ULK1: variants seen among roughly 807,000 people sequenced by gnomAD.
ULK1 encodes unc-51 like autophagy activating kinase 1, also known as serine/threonine-protein kinase ULK1.
In ULK1, 48 loss-of-function variants were observed where a neutral mutation model predicts 117.5. The ratio of observed to expected loss-of-function variants is 0.41; its 90% CI spans 0.32 to 0.52. The LOEUF (loss-of-function observed/expected upper bound fraction) is 0.52. Ranked by LOEUF, ULK1 falls within the 20% of genes least tolerant of loss-of-function variation. The pLI is 0.29. For synonymous variants in ULK1, 790 were observed against 637.8 expected, an observed-to-expected ratio of 1.24 and a Z score of -3.60; for missense variants, 1,387 against 1,473.4, an observed-to-expected ratio of 0.94 and a Z score of 0.96.
At chr12:131,899,858 G>A (rs992594679) in intron 3 of ULK1, among the ~76,000 whole-genome samples, 5 of 152,138 alleles carry the variant, frequency 3.3e-5, no homozygotes, top group African/African-American at 7.2e-5. Flanking sequence ...AGTGGCTCAC[G>A]CCTGTAATCC....
chr12:131,919,796 C>T (rs911155882), intron 25 of ULK1, 183 bp from the exon 26 acceptor site: 30 of 1,053,206 alleles, frequency 2.8e-5, no homozygotes, highest in East Asian at 1.8e-4. Flanking sequence ...GCACAGAGGC[C>T]GTGGGGTCGG....
chr12:131,909,489 C>T (rs1889428789), intron 8 of ULK1, among the ~76,000 whole-genome samples: 1 of 152,106 alleles, frequency 6.6e-6, no homozygotes, highest in South Asian at 2.1e-4. Flanking sequence ...TGTCTAGTCG[C>T]CTGTCTGGTC....
chr12:131,916,171 T>A lies in ULK1; in HGVS notation c.1878+12T>A, dbSNP rs1432589639. ...GCTCCCCCACCAAGGTAATGGGCACTGCCATGTGTGCAGGGGCACAGAGCC... is the reference window on the plus strand; with the variant it reads ...GCTCCCCCACCAAGGTAATGGGCACAGCCATGTGTGCAGGGGCACAGAGCC... On this transcript the variant is annotated intron_variant, in intron 19 of 27. Coordinates refer to ENST00000321867, the MANE Select transcript of ULK1 (RefSeq NM_003565.4). The A allele has an allele frequency of 1.2e-6, 2 of 1,608,510 alleles. No homozygotes were observed. Among genetic ancestry groups the A allele is most frequent in the Non-Finnish European group, 1.7e-6 (2 of 1,178,282 alleles).
intron 12 of ULK1, 46 bp downstream of exon 12, chr12:131,910,846 C>T (rs1889502507): frequency 1.2e-6 from 2 of 1,608,104 alleles, no homozygotes; most frequent in South Asian, 1.1e-5. Context: ...CTCCACTCAG[C>T]AGTCAGGGGC....
In ULK1 at chr12:131,920,140, C is replaced by T. The variant is rs368815110; in HGVS notation, c.2961+4C>T. 5.6e-5 allele frequency: 91 copies of T among 1,611,598 alleles called. 1 individual carries two copies. Among genetic ancestry groups the T allele is most frequent in the South Asian group, 2.7e-4 (25 of 91,028 alleles). On this transcript the variant is annotated splice_donor_region_variant and intron_variant, in intron 26 of 27. Coordinates refer to ENST00000321867, the MANE Select transcript of ULK1 (RefSeq NM_003565.4). ...CTTCAGCCACGCTGTGCAGATGGTA[C>T]GGGACAGACAGACACCAGTGGGGCA...
At chr12:131,914,182 T>C (rs1211609955) in intron 15 of ULK1, among the ~76,000 whole-genome samples, 170 bp from the exon 16 acceptor site, 1 of 152,128 alleles carries the variant, frequency 6.6e-6, no homozygotes, top group Non-Finnish European at 1.5e-5. Flanking sequence ...ATTTCTGGTG[T>C]GTGTAGAGGC....
Position 131,913,822 on chromosome 12 carries a change from C to A in ULK1, c.1233C>A (p.Ser411=). Residue 411 remains serine, a synonymous_variant, in exon 15 of 28, where the codon TCC becomes TCA. Transcript: ENST00000321867. ...TPSPSPPCSS[S]PSPSGRAGPF... ...CTCCATCCCCACCCTGCAGCAGCTC[C>A]CCCAGTCCCTCAGGGTAAGCAGGGC... 6.4e-7 allele frequency: 1 copy of A among 1,554,224 alleles called. No individual in the cohort carries two copies. The highest frequency in any genetic ancestry group is 8.7e-7 in the Non-Finnish European group (1 of 1,150,256).
At chr12:131,919,888 G>T in intron 25 of ULK1, 91 bp from the exon 26 acceptor site, 1 of 1,509,406 alleles carries the variant, frequency 6.6e-7, no homozygotes, top group East Asian at 2.3e-5. Flanking sequence ...AGGGAGGGAC[G>T]TGCTCGCTCA....
Position 131,915,997 on chromosome 12 carries a change from AC to A in ULK1, c.1722del (p.Thr575ArgfsTer72). ...LHVVRPKLPK[P>X]PTDPLGAVFS... ...ACGTCGTCCGCCCCAAGCTGCCCAA[AC>A]CCCCCACGGACCCCCTGGGAGCTGT... On this transcript the variant is annotated frameshift_variant, in exon 19 of 28. Transcript: ENST00000321867. LOFTEE classifies it high-confidence loss of function. 6.2e-7 allele frequency: 1 copy of A among 1,609,418 alleles called. No homozygotes were observed. The highest frequency in any genetic ancestry group is 8.5e-7 in the Non-Finnish European group (1 of 1,178,890).
intron 11 of ULK1, 41 bp from the exon 12 acceptor site, chr12:131,910,671 C>T: frequency 6.2e-7 from 1 of 1,612,924 alleles, no homozygotes; most frequent in Non-Finnish European, 8.5e-7. Flanking sequence ...GAGGAGGAGA[C>T]AGGAGGATGG....
At chr12:131,914,583 T>C (rs1462773382) in intron 16 of ULK1, 106 bp downstream of exon 16, 1 of 1,438,218 alleles carries the variant, frequency 7.0e-7, no homozygotes, top group Non-Finnish European at 9.3e-7. Flanking sequence ...TGTGCAGTTG[T>C]GCAGGCTGCG....
At position 131,910,259 on chromosome 12, in the gene ULK1, T is replaced by G. The variant is rs1297880472; in HGVS notation, c.814T>G (p.Phe272Val). 1.2e-6 allele frequency: 2 copies of G among 1,613,082 alleles called. No individual in the cohort carries two copies. Among genetic ancestry groups the G allele is most frequent in the Admixed American group, 1.7e-5 (1 of 59,960 alleles). Residue 272 changes from phenylalanine to valine, a missense_variant, in exon 11 of 28, where the codon TTT (phenylalanine) becomes GTT (valine). Physicochemically the swap from Phe to Val is conservative, Grantham distance 50. Around this residue, in one of 4 missense-constraint regions of ULK1, gnomAD observed 260 missense variants for 271.6 expected, o/e 0.96. Transcript: ENST00000321867. The part of the protein sequence containing the change: ...NHKDRMDFDE[F>V]FHHPFLDASP... Reference sequence around the variant, plus strand: ...ACTCCTCCTTCCTCCTGCAGATGAGTTTTTTCATCACCCTTTCCTCGATGC... The same window carrying G: ...ACTCCTCCTTCCTCCTGCAGATGAGGTTTTTCATCACCCTTTCCTCGATGC...
rs113181318 is a variant in ULK1 at position 131,902,243 on chromosome 12, T to C, written c.247-4649T>C. On this transcript the variant is annotated intron_variant, in intron 3 of 27. Coordinates refer to ENST00000321867, the MANE Select transcript of ULK1 (RefSeq NM_003565.4). The surrounding 1 kb of genome is among the most constrained non-coding windows in gnomAD (Gnocchi z 6.3). ...GTTCTGTCCAGCCACAGCTGTGGCTTTTGCCACTTTCCGGAGCCAGCTCTG... is the reference window on the plus strand; with the variant it reads ...GTTCTGTCCAGCCACAGCTGTGGCTCTTGCCACTTTCCGGAGCCAGCTCTG... Among the ~76,000 whole-genome samples, 1 of 152,024 alleles carries C rather than the reference T, an allele frequency of 6.6e-6. No homozygotes were observed. The highest frequency in any genetic ancestry group is 6.5e-5 in the Admixed American group (1 of 15,280).
intron 23 of ULK1, 26 bp from the exon 24 acceptor site, chr12:131,919,186 G>T: frequency 6.3e-7 from 1 of 1,577,434 alleles, no homozygotes; most frequent in South Asian, 1.1e-5. Flanking sequence ...GGCAGCACTT[G>T]CCGCCCTGAC....
intron 3 of ULK1, among the ~76,000 whole-genome samples, chr12:131,905,332 C>G (rs761812622): frequency 7.9e-5 from 12 of 152,120 alleles, no homozygotes; most frequent in Admixed American, 3.3e-4. Flanking sequence ...CTGTCCCCCC[C>G]ACCAGGGGTG....
In ULK1 at chr12:131,902,980, G is replaced by A. The variant is rs1342577057; in HGVS notation, c.247-3912G>A. On this transcript the variant is annotated intron_variant, in intron 3 of 27. Transcript: ENST00000321867. This position sits in a 1 kb window ranked among gnomAD's most constrained non-coding sequence, Gnocchi z 6.3. ...GCAGACGTGGAGCCCGATGCCCTGT[G>A]TGGGTTCTGCAAGGCAGAGCTGGAG... 6.6e-6 allele frequency among the ~76,000 whole-genome samples: 1 copy of A among 152,058 alleles called. No homozygotes were observed.
Position 131,916,080 on chromosome 12 carries a change from G to A in ULK1, c.1799G>A (p.Arg600Gln), listed in dbSNP as rs745749590. 9 of 1,612,254 alleles carry A rather than the reference G, an allele frequency of 5.6e-6. No individual in the cohort carries two copies. Among genetic ancestry groups the A allele is most frequent in the South Asian group, 4.4e-5 (4 of 91,078 alleles). The change falls in exon 19 of 28, where the codon CGG becomes CAG. Residue 600 changes from arginine (R) to glutamine (Q), a missense_variant. Arg to Gln is a conservative substitution (Grantham distance 43). Transcript: ENST00000321867. ...PQPSHGLQSC[R>Q]NLRGSPKLPD... is the part of the protein sequence containing the mutation. ...CCGTCCCACGGCCTGCAGTCCTGCC[G>A]GAACCTGCGGGGCTCACCCAAGCTG...
rs778368046 is a variant in ULK1 at position 131,916,252 on chromosome 12, CTG to C, written c.1878+95_1878+96del. The C allele has an allele frequency of 3.1e-4, 485 of 1,539,842 alleles. 1 individual carries two copies. Among genetic ancestry groups the C allele is most frequent in the Non-Finnish European group, 3.2e-4 (367 of 1,140,358 alleles). On this transcript the variant is annotated intron_variant, in intron 19 of 27. Transcript: ENST00000321867. ...TGAACAAAGACCGAGGAAGGCAGCTCTGTACCTTTTGACCCCCGCCTGGGCTC... is the reference window on the plus strand; with the variant it reads ...TGAACAAAGACCGAGGAAGGCAGCTCTACCTTTTGACCCCCGCCTGGGCTC...
rs543308795 is a variant in ULK1 at position 131,904,282 on chromosome 12, G to GACT, written c.247-2607_247-2605dup. Among the ~76,000 whole-genome samples the GACT allele has an allele frequency of 3.8e-3, 584 of 152,318 alleles. 5 individuals are homozygous for GACT. Among genetic ancestry groups the GACT allele is most frequent in the African/African-American group, 0.014 (567 of 41,568 alleles). ...TCCCACCTCAGTCCTGAGTAGCTGG[G>GACT]ACTACAGGCGTGCACTGTCACACCT... On this transcript the variant is annotated intron_variant, in intron 3 of 27. Coordinates refer to ENST00000321867, the MANE Select transcript of ULK1 (RefSeq NM_003565.4).
Sources: gnomAD v4.1 joint callset for allele counts (sites outside exome capture counted in the v4.1 genomes callset) on GRCh38, gnomAD v4.1.1 for gene constraint, gnomAD v4.1.1 regional missense constraint, Gnocchi (gnomAD v3.1) non-coding constraint, MANE v1.5 for transcripts, NCBI Gene and HGNC (gene_info 2026-07-23, HGNC 2026-07-21) for gene names.